PDE8B: variants seen among roughly 807,000 people sequenced by gnomAD.
PDE8B encodes high affinity cAMP-specific and IBMX-insensitive 3',5'-cyclic phosphodiesterase 8B.
In PDE8B, 26 loss-of-function variants were observed where a neutral mutation model predicts 101.3. The ratio of observed to expected loss-of-function variants is 0.26; its 90% CI spans 0.19 to 0.36. The LOEUF (loss-of-function observed/expected upper bound fraction) is 0.36, where lower values mean the gene tolerates loss of function less well. Among genes scored for constraint, PDE8B ranks in the 10% least tolerant of loss-of-function variants. The pLI is 1.00. For missense variants in PDE8B, 810 were observed against 1,163.1 expected, an observed-to-expected ratio of 0.70 and a Z score of 4.42; for synonymous variants, 424 against 429.3, an observed-to-expected ratio of 0.99 and a Z score of 0.15.
chr5:77,412,553 AT>A (rs34014902), intron 16 of PDE8B, among the ~76,000 whole-genome samples: 24,806 of 147,536 alleles, frequency 0.17, 2,103 homozygotes, highest in East Asian at 0.3. Flanking sequence ...AGCACTATAG[AT>A]TTTTTTTTTT....
chr5:77,190,438 T>C, the PDE8B span, among the ~76,000 whole-genome samples: 3 of 152,216 alleles, frequency 2.0e-5, no homozygotes, highest in Non-Finnish European at 4.4e-5. Flanking sequence ...AGTGGAAAGA[T>C]GAGAACCAAT....
chr5:77,153,011 T>C, the PDE8B span, among the ~76,000 whole-genome samples: 1 of 152,162 alleles, frequency 6.6e-6, no homozygotes, highest in African/African-American at 2.4e-5. Flanking sequence ...TCCCAGGGGA[T>C]ATTTGCAACA....
chr5:77,102,784 C>G, the PDE8B span, among the ~76,000 whole-genome samples: 33 of 152,312 alleles, frequency 2.2e-4, no homozygotes, highest in Non-Finnish European at 4.7e-4. Context: ...AGAAACCCAG[C>G]TGCCAGCCAC....
At chr5:77,412,717 T>C (rs1042085984) in intron 16 of PDE8B, among the ~76,000 whole-genome samples, 21 of 150,438 alleles carry the variant, frequency 1.4e-4, no homozygotes, top group African/African-American at 3.2e-4. Flanking sequence ...CTCTAAATGA[T>C]AGGACTTTGG....
At chr5:77,129,175 C>T in the PDE8B span, among the ~76,000 whole-genome samples, 1 of 152,032 alleles carries the variant, frequency 6.6e-6, no homozygotes, top group Non-Finnish European at 1.5e-5. Context: ...AAAAAAAAAT[C>T]TTCAGTGTGG....
the PDE8B span, among the ~76,000 whole-genome samples, chr5:77,174,752 C>G: frequency 8.6e-3 from 1,314 of 152,268 alleles, 12 homozygotes; most frequent in African/African-American, 0.029. Flanking sequence ...CCACCCTCTT[C>G]TCCTTTCTGA....
intron 12 of PDE8B, among the ~76,000 whole-genome samples, chr5:77,406,211 G>A (rs1334315433): frequency 6.6e-6 from 1 of 152,188 alleles, no homozygotes; most frequent in Non-Finnish European, 1.5e-5. Context: ...CTTGAACCCA[G>A]GAGGCGGAGG....
chr5:77,207,816 A>G (rs1296013271), upstream of PDE8B, among the ~76,000 whole-genome samples: 1 of 152,212 alleles, frequency 6.6e-6, no homozygotes, highest in Non-Finnish European at 1.5e-5. Context: ...TCCCACTGAG[A>G]ACACTTGGTG....
chr5:77,128,286 G>A, the PDE8B span, among the ~76,000 whole-genome samples: 2 of 152,234 alleles, frequency 1.3e-5, no homozygotes, highest in South Asian at 2.1e-4. Context: ...TGAGAAAAAC[G>A]TTCTTCTCTT....
At chr5:77,219,427 G>A (rs896258312) in intron 1 of PDE8B, among the ~76,000 whole-genome samples, 1 of 152,178 alleles carries the variant, frequency 6.6e-6, no homozygotes, top group Non-Finnish European at 1.5e-5. Context: ...ATGCATGAGA[G>A]ATTTTAAAGC....
chr5:77,149,313 A>G, the PDE8B span, among the ~76,000 whole-genome samples: 1 of 152,290 alleles, frequency 6.6e-6, no homozygotes, highest in East Asian at 1.9e-4. Flanking sequence ...AAGTCTTTCA[A>G]TTTTGTTCTT....
chr5:77,172,232 T>C, the PDE8B span, among the ~76,000 whole-genome samples: 11 of 152,206 alleles, frequency 7.2e-5, no homozygotes, highest in East Asian at 2.1e-3. Flanking sequence ...GGTTTGTTCA[T>C]TGTTGACTCC....
chr5:77,305,167 C>A (rs1770899955), intron 1 of PDE8B, among the ~76,000 whole-genome samples: 1 of 152,106 alleles, frequency 6.6e-6, no homozygotes, highest in African/African-American at 2.4e-5. Context: ...ACACTTGGGC[C>A]CCATTCTTAG....
chr5:77,216,957 G>A (rs184084425), intron 1 of PDE8B, among the ~76,000 whole-genome samples: 8 of 152,214 alleles, frequency 5.3e-5, no homozygotes, highest in African/African-American at 1.7e-4. Context: ...GAGCTACCTC[G>A]GTATAGATAA....
At chr5:77,220,086 C>T (rs1396152368) in intron 1 of PDE8B, among the ~76,000 whole-genome samples, 1 of 152,214 alleles carries the variant, frequency 6.6e-6, no homozygotes, top group Non-Finnish European at 1.5e-5. Context: ...AATGCTGGGT[C>T]TGTGAAGCCA....
At chr5:77,325,330 G>A (rs763769716) in intron 2 of PDE8B, among the ~76,000 whole-genome samples, 4 of 152,140 alleles carry the variant, frequency 2.6e-5, no homozygotes, top group Non-Finnish European at 4.4e-5. Context: ...ACTGTGCCTG[G>A]CTAATTTTTT....
chr5:77,245,564 C>CCTCCTCTGCCTGCCTCATTTCCT (rs1756682774), intron 1 of PDE8B, among the ~76,000 whole-genome samples: 1 of 152,138 alleles, frequency 6.6e-6, no homozygotes, highest in African/African-American at 2.4e-5. Flanking sequence ...TATTATTGGG[C>CCTCCTCTGCCTGCCTCATTTCCT]CTCCTCTGCC....
At chr5:77,314,277 G>A (rs192252737) in intron 2 of PDE8B, among the ~76,000 whole-genome samples, 1 of 152,024 alleles carries the variant, frequency 6.6e-6, no homozygotes, top group Non-Finnish European at 1.5e-5. Flanking sequence ...ACACTGTCTC[G>A]ATTAGTGTAA....
At chr5:77,264,043 G>A (rs1195048919) in intron 1 of PDE8B, among the ~76,000 whole-genome samples, 7 of 152,226 alleles carry the variant, frequency 4.6e-5, no homozygotes, top group African/African-American at 7.2e-5. Context: ...CAGTACGTGC[G>A]TCTTTTGTGT....
Sources: allele counts gnomAD v4.1 joint callset (sites outside exome capture counted in the v4.1 genomes callset), GRCh38; gene constraint gnomAD v4.1.1; transcripts MANE v1.5; gene names NCBI Gene and HGNC (gene_info 2026-07-23, HGNC 2026-07-21).